The following SLC37A1 variants were observed in gnomAD, a reference collection of about 807,000 sequenced individuals.
The protein encoded by SLC37A1 is glucose-6-phosphate exchanger SLC37A1.
Under a neutral mutation model 75.3 loss-of-function variants are expected in SLC37A1, and 49 were observed. The ratio of observed to expected loss-of-function variants is 0.65; its 90% CI spans 0.52 to 0.83. SLC37A1 has a LOEUF of 0.83. Among genes scored for constraint, SLC37A1 ranks in the 40% least tolerant of loss-of-function variants. The probability of loss-of-function intolerance (pLI) is 0.00; values close to 1 mark genes in which losing one functional copy is unlikely to be tolerated. For synonymous variants in SLC37A1, 268 were observed against 292.1 expected (o/e 0.92, Z 0.84); for missense variants, 566 against 695.0 (o/e 0.81, Z 2.09).
chr21:42,512,229 G>T (rs1182783933), upstream of SLC37A1, among the ~76,000 whole-genome samples: 1 of 108,842 alleles, frequency 9.2e-6, no homozygotes, highest in Non-Finnish European at 1.7e-5. Flanking sequence ...TGGGTGGGGG[G>T]GAGGGGGGGT....
intron 7 of SLC37A1, 100 bp downstream of exon 7, chr21:42,542,580 CT>C: frequency 1.7e-6 from 2 of 1,157,006 alleles, no homozygotes; most frequent in Non-Finnish European, 1.3e-6. Context: ...CTTTAGTATC[CT>C]CTTTAAAATA....
At chr21:42,528,783 C>T (rs1023608456) in intron 3 of SLC37A1, among the ~76,000 whole-genome samples, 10 of 152,080 alleles carry the variant, frequency 6.6e-5, no homozygotes, top group Non-Finnish European at 1.3e-4. Context: ...GAGCCGAGAG[C>T]GCACCATTGC....
intron 3 of SLC37A1, among the ~76,000 whole-genome samples, chr21:42,526,928 G>A (rs2054810751): frequency 6.6e-6 from 1 of 152,154 alleles, no homozygotes; most frequent in Admixed American, 6.5e-5. Flanking sequence ...CCAGTAACCA[G>A]TCATTATAAA....
chr21:42,575,575 T>C (rs1477148524), intron 18 of SLC37A1: 3 of 985,118 alleles, frequency 3.0e-6, no homozygotes, highest in Non-Finnish European at 3.6e-6. Flanking sequence ...CACAGTCACA[T>C]AGATGTGCAG....
intron 2 of SLC37A1, among the ~76,000 whole-genome samples, chr21:42,506,782 C>A (rs976375006): frequency 1.3e-5 from 2 of 152,122 alleles, no homozygotes; most frequent in Non-Finnish European, 2.9e-5. Context: ...AAGTCCCATG[C>A]CTTTTTTTTT....
In SLC37A1 at chr21:42,557,984, C is replaced by T. The variant is rs184391019; in HGVS notation, c.850-974C>T. Among the ~76,000 whole-genome samples, 185 of 152,210 alleles carry T rather than the reference C, an allele frequency of 1.2e-3. 2 individuals carry two copies. In the East Asian group the frequency reaches 0.026, roughly 21 times the overall value. On this transcript the variant is annotated intron_variant, in intron 10 of 19. Coordinates refer to ENST00000352133, the MANE Select transcript of SLC37A1 (RefSeq NM_001320537.2). ...TTCTTTTTTGAGACAGGGTCTTGCCCGGGCTGAAGGACAGCCGCACAATCA... is the reference window on the plus strand; with the variant it reads ...TTCTTTTTTGAGACAGGGTCTTGCCTGGGCTGAAGGACAGCCGCACAATCA...
At position 42,565,874 on chromosome 21, in the gene SLC37A1, C is replaced by T. The variant is rs752607098; in HGVS notation, c.1269C>T (p.Ile423=). 8.7e-6 allele frequency: 14 copies of T among 1,613,644 alleles called. No homozygotes were observed. Among genetic ancestry groups the T allele is most frequent in the East Asian group, 4.5e-5 (2 of 44,882 alleles). ...TVSKMGLEAT[I]AMLLLSGALV... Reference sequence around the variant, plus strand: ...GCAAGATGGGGCTTGAGGCCACCATCGGTGAGTATGGAGGCCTTCCTGCTT... The same window carrying T: ...GCAAGATGGGGCTTGAGGCCACCATTGGTGAGTATGGAGGCCTTCCTGCTT... The change falls in exon 15 of 20, where the codon ATC becomes ATT. Residue 423 remains isoleucine, a splice_region_variant and synonymous_variant. Coordinates refer to ENST00000352133, the MANE Select transcript of SLC37A1 (RefSeq NM_001320537.2).
At chr21:42,524,993 C>T (rs1238003212) in intron 2 of SLC37A1, among the ~76,000 whole-genome samples, 1 of 152,146 alleles carries the variant, frequency 6.6e-6, no homozygotes, top group Non-Finnish European at 1.5e-5. Flanking sequence ...TGGAGTGGAT[C>T]ACCAGTGGCC....
chr21:42,531,317 C>T (rs564262226), intron 3 of SLC37A1, among the ~76,000 whole-genome samples: 16 of 151,978 alleles, frequency 1.1e-4, no homozygotes, highest in African/African-American at 3.6e-4. Flanking sequence ...ACCCTCCACC[C>T]GCGATGGCAT....
intron 10 of SLC37A1, among the ~76,000 whole-genome samples, chr21:42,556,544 T>TGGGG (rs1302726091): frequency 1.3e-5 from 2 of 152,222 alleles, no homozygotes; most frequent in African/African-American, 2.4e-5. Context: ...TTGTTGTGTG[T>TGGGG]GGGGGCATTT....
At chr21:42,523,874 T>C (rs1232813502) in intron 2 of SLC37A1, among the ~76,000 whole-genome samples, 1 of 150,918 alleles carries the variant, frequency 6.6e-6, no homozygotes, top group Non-Finnish European at 1.5e-5. Flanking sequence ...CCACCAACCT[T>C]TCTTTCCCAC....
Position 42,545,730 on chromosome 21 carries a change from G to A in SLC37A1, c.731-1373G>A, listed in dbSNP as rs565101855. On this transcript the variant is annotated intron_variant, in intron 8 of 19. Coordinates refer to ENST00000352133, the MANE Select transcript of SLC37A1 (RefSeq NM_001320537.2). This position sits in a 1 kb window ranked among gnomAD's most constrained non-coding sequence, Gnocchi z 4.0. Reference sequence around the variant, plus strand: ...ATCACACTGTGAGTGGATACCGATGGGGTGAGTTGGCTGATGTCCTTTAAA... The same window carrying A: ...ATCACACTGTGAGTGGATACCGATGAGGTGAGTTGGCTGATGTCCTTTAAA... 6.6e-6 allele frequency among the ~76,000 whole-genome samples: 1 copy of A among 152,340 alleles called. No homozygotes were observed. Among genetic ancestry groups the A allele is most frequent in the Non-Finnish European group, 1.5e-5 (1 of 68,026 alleles).
At chr21:42,512,329 G>A (rs1349183239), upstream of SLC37A1, among the ~76,000 whole-genome samples, 1 of 152,128 alleles carries the variant, frequency 6.6e-6, no homozygotes, top group Non-Finnish European at 1.5e-5. Context: ...TGTAGGTGAT[G>A]GGATGCCCGA....
At chr21:42,559,876 A>G (rs1422037251) in intron 11 of SLC37A1, among the ~76,000 whole-genome samples, 1 of 25,554 alleles carries the variant, frequency 3.9e-5, no homozygotes, top group Non-Finnish European at 1.1e-4. Context: ...ACTCTGTCTC[A>G]AAAAAAAAAA....
intron 18 of SLC37A1, chr21:42,575,316 G>T: frequency 2.0e-6 from 2 of 985,490 alleles, no homozygotes; most frequent in South Asian, 4.7e-5. Context: ...GATACACAGA[G>T]CCTGGCCTCC....
rs956595457 is a variant in SLC37A1, at chr21:42,533,476, G to A, written c.139-1222G>A. 6.6e-5 allele frequency among the ~76,000 whole-genome samples: 10 copies of A among 152,214 alleles called. No individual in the cohort carries two copies. In the South Asian group the frequency reaches 1.7e-3, roughly 25 times the overall value. On this transcript the variant is annotated intron_variant, in intron 3 of 19. Transcript: ENST00000352133. ...CATTCTGTCTTCCTCAGTTTCCCCC[G>A]CAACAAGACGAGCCCCTGCCACATG...
intron 17 of SLC37A1, among the ~76,000 whole-genome samples, chr21:42,569,510 ACTCCCTCGTGCCG>A (rs2056070492): frequency 1.4e-5 from 2 of 146,114 alleles, no homozygotes; most frequent in Non-Finnish European, 3.1e-5. Context: ...CTCGTGCCGC[ACTCCCTCGTGCCG>A]CACTCCCTCG....
intron 6 of SLC37A1, among the ~76,000 whole-genome samples, chr21:42,541,366 G>C (rs560408958): frequency 6.6e-6 from 1 of 152,208 alleles, no homozygotes; most frequent in African/African-American, 2.4e-5. Flanking sequence ...GAGGTGGTCA[G>C]AGCTGCCAGG....
chr21:42,517,030 C>G (rs139673556), intron 1 of SLC37A1, among the ~76,000 whole-genome samples: 1 of 152,288 alleles, frequency 6.6e-6, no homozygotes, highest in Non-Finnish European at 1.5e-5. Flanking sequence ...TTCTTGAGCA[C>G]GTGGTCTGTG....
Sources: gnomAD v4.1 joint callset for allele counts (sites outside exome capture counted in the v4.1 genomes callset) on GRCh38, gnomAD v4.1.1 for gene constraint, Gnocchi (gnomAD v3.1) non-coding constraint, MANE v1.5 for transcripts, NCBI Gene and HGNC (gene_info 2026-07-23, HGNC 2026-07-21) for gene names.